Variants in SYT1 observed in about 807,000 individuals in gnomAD.
SYT1 encodes synaptotagmin-1.
SYT1 carries 8 observed loss-of-function variants against 44.8 expected under a neutral mutation model. The ratio of observed to expected loss-of-function variants is 0.18; its 90% CI spans 0.10 to 0.32. The LOEUF is 0.32. SYT1 is among the 10% of genes least tolerant of loss of function. The pLI is 1.00. For missense variants in SYT1, 286 were observed against 509.3 expected, an observed-to-expected ratio of 0.56 and a Z score of 4.22; for synonymous variants, 154 against 188.8, an observed-to-expected ratio of 0.82 and a Z score of 1.51.
chr12:79,166,804 A>T (rs1871247671), intron 3 of SYT1, among the ~76,000 whole-genome samples: 1 of 152,086 alleles, frequency 6.6e-6, no homozygotes, highest in Admixed American at 6.6e-5. Flanking sequence ...ATGCCTTTGC[A>T]CAGTGGAAGG....
chr12:79,083,220 G>T lies in SYT1; in HGVS notation c.-18+35858G>T, dbSNP rs552768185. On this transcript the variant is annotated intron_variant, in intron 3 of 10. Transcript: ENST00000261205. ...TTCTGAAATATTAATAAAGGAGGTTGATTGAAATTAATTAATTTTTAAAAA... is the reference window on the plus strand; with the variant it reads ...TTCTGAAATATTAATAAAGGAGGTTTATTGAAATTAATTAATTTTTAAAAA... Among the ~76,000 whole-genome samples the T allele has an allele frequency of 3.9e-5, 6 of 152,244 alleles. No individual in the cohort carries two copies. The South Asian group carries it at 1.2e-3, about 32-fold the overall frequency.
At chr12:78,965,716 C>T (rs2137362025) in intron 1 of SYT1, among the ~76,000 whole-genome samples, 1 of 152,168 alleles carries the variant, frequency 6.6e-6, no homozygotes, top group Admixed American at 6.5e-5. Context: ...CTCCAGGCCC[C>T]ATTACCATCA....
intron 1 of SYT1, among the ~76,000 whole-genome samples, chr12:78,876,037 A>G (rs760996677): frequency 6.6e-6 from 1 of 151,654 alleles, no homozygotes; most frequent in South Asian, 2.1e-4. Context: ...TATCACATTC[A>G]TGACACTTGT....
intron 1 of SYT1, among the ~76,000 whole-genome samples, chr12:78,913,684 A>G (rs7956212): frequency 0.79 from 119,475 of 151,676 alleles, 48,052 homozygotes; most frequent in African/African-American, 0.95. Flanking sequence ...CAGATTCTTT[A>G]CAACTTTTAT....
In SYT1 at chr12:79,449,166, T is replaced by G. The variant is rs759588750; in HGVS notation, c.*42T>G. 1.4e-5 allele frequency: 21 copies of G among 1,552,826 alleles called. No individual in the cohort carries two copies. Among genetic ancestry groups the G allele is most frequent in the South Asian group, 1.2e-4 (10 of 84,952 alleles). ...TTCTGCATTTGCCCATATAGTGCTC[T>G]TTAGCCAGTATCTGTAAATACCTCA... On this transcript the variant is annotated 3_prime_UTR_variant, in exon 11 of 11. Transcript: ENST00000261205.
At chr12:79,033,842 A>C (rs964610236) in intron 2 of SYT1, among the ~76,000 whole-genome samples, 2 of 151,380 alleles carry the variant, frequency 1.3e-5, no homozygotes, top group Admixed American at 6.6e-5. Flanking sequence ...AACATATCTT[A>C]CCCATCTCTC....
chr12:79,009,536 C>A (rs1035343183), intron 2 of SYT1, among the ~76,000 whole-genome samples: 1 of 152,046 alleles, frequency 6.6e-6, no homozygotes, highest in Non-Finnish European at 1.5e-5. Context: ...ATGATAAACA[C>A]GTGTATGTTT....
chr12:78,992,791 A>G (rs1870106068), intron 2 of SYT1, among the ~76,000 whole-genome samples: 1 of 152,186 alleles, frequency 6.6e-6, no homozygotes, highest in African/African-American at 2.4e-5. Context: ...TGTTGCAGTA[A>G]GTAAGGTATC....
intron 9 of SYT1, among the ~76,000 whole-genome samples, chr12:79,365,015 A>C (rs1481526990): frequency 6.6e-6 from 1 of 152,146 alleles, no homozygotes; most frequent in Admixed American, 6.5e-5. Flanking sequence ...CTCAAGAAAT[A>C]AAGTTAATCC....
chr12:78,979,980 C>A (rs7953064), intron 2 of SYT1, among the ~76,000 whole-genome samples: 1 of 151,876 alleles, frequency 6.6e-6, no homozygotes, highest in Non-Finnish European at 1.5e-5. Flanking sequence ...AAATGAATTA[C>A]GTGAGTGTCT....
intron 3 of SYT1, among the ~76,000 whole-genome samples, chr12:79,213,863 A>C (rs892779456): frequency 6.6e-6 from 1 of 152,232 alleles, no homozygotes; most frequent in Non-Finnish European, 1.5e-5. Flanking sequence ...TGGAAGTTGC[A>C]GTGAGCAGAA....
chr12:78,903,295 T>A (rs1875767934), intron 1 of SYT1, among the ~76,000 whole-genome samples: 1 of 151,312 alleles, frequency 6.6e-6, no homozygotes, highest in Admixed American at 6.6e-5. Flanking sequence ...TATATGTATA[T>A]ATATTTTTGA....
intron 8 of SYT1, among the ~76,000 whole-genome samples, chr12:79,329,213 G>C (rs2139006310): frequency 6.6e-6 from 1 of 152,248 alleles, no homozygotes; most frequent in South Asian, 2.1e-4. Flanking sequence ...CCCTGCAGAA[G>C]GAGAGCCTTG....
Position 79,148,731 on chromosome 12 carries a change from G to A in SYT1, c.-17-68772G>A, listed in dbSNP as rs114472843. Reference sequence around the variant, plus strand: ...GGGCTGAGGTGCTATATCTGTATGTGCAAAAACTTAAATTAATCCCTACAG... The same window carrying A: ...GGGCTGAGGTGCTATATCTGTATGTACAAAAACTTAAATTAATCCCTACAG... On this transcript the variant is annotated intron_variant, in intron 3 of 10. Transcript: ENST00000261205. 6.4e-3 allele frequency among the ~76,000 whole-genome samples: 968 copies of A among 152,162 alleles called. 10 individuals are homozygous for A. The highest frequency in any genetic ancestry group is 0.022 in the African/African-American group (932 of 41,542).
chr12:79,279,357 A>G (rs1479544861), intron 4 of SYT1, among the ~76,000 whole-genome samples: 2 of 152,178 alleles, frequency 1.3e-5, no homozygotes, highest in Non-Finnish European at 2.9e-5. Flanking sequence ...GCAAGTCAAT[A>G]AACATGATTC....
chr12:79,191,020 A>G (rs2138449143), intron 3 of SYT1, among the ~76,000 whole-genome samples: 1 of 152,148 alleles, frequency 6.6e-6, no homozygotes, highest in Middle Eastern at 3.4e-3. Flanking sequence ...GTCTTGGAGC[A>G]GAGAGGATTA....
Position 78,948,390 on chromosome 12 carries a change from G to GA in SYT1, c.-216-29405dup, listed in dbSNP as rs531519980. On this transcript the variant is annotated intron_variant, in intron 1 of 10. Transcript: ENST00000261205. ...TAAATTTGTATAATATACTGTGACA[G>GA]AAAATTAATGATGCTCACACTATTT... Among the ~76,000 whole-genome samples the GA allele has an allele frequency of 6.1e-3, 930 of 151,964 alleles. 19 individuals carry two copies. Among genetic ancestry groups the GA allele is most frequent in the Non-Finnish European group, 4.0e-3 (271 of 67,892 alleles).
intron 2 of SYT1, among the ~76,000 whole-genome samples, chr12:79,011,485 A>G (rs1407416443): frequency 6.6e-6 from 1 of 152,112 alleles, no homozygotes; most frequent in Non-Finnish European, 1.5e-5. Flanking sequence ...TAATCCTATC[A>G]TAATATTAAG....
At chr12:79,134,288 TG>T (rs1192848913) in intron 3 of SYT1, among the ~76,000 whole-genome samples, 4 of 152,220 alleles carry the variant, frequency 2.6e-5, no homozygotes, top group African/African-American at 9.6e-5. Flanking sequence ...AAGGCATATT[TG>T]AATTACTATA....
Sources: allele counts gnomAD v4.1 joint callset (sites outside exome capture counted in the v4.1 genomes callset), GRCh38; gene constraint gnomAD v4.1.1; transcripts MANE v1.5; gene names NCBI Gene and HGNC (gene_info 2026-07-23, HGNC 2026-07-21).